AKR1E2: variants seen among roughly 807,000 people sequenced by gnomAD.
The protein encoded by AKR1E2 is aldo-keto reductase family 1 member E2, also known as 1,5-anhydro-D-fructose reductase.
A neutral mutation model predicts 41.9 loss-of-function variants in AKR1E2; 43 were observed. The ratio of observed to expected loss-of-function variants is 1.03; its 90% CI spans 0.80 to 1.32. AKR1E2 has a LOEUF of 1.32. Ranked by LOEUF, AKR1E2 falls within the 40% of genes most tolerant of loss-of-function variation. The probability of loss-of-function intolerance (pLI) is 0.00; values close to 1 mark genes in which losing one functional copy is unlikely to be tolerated. For synonymous variants in AKR1E2, 121 were observed against 138.9 expected (o/e 0.87, Z 0.91); for missense variants, 423 against 396.5 (o/e 1.07, Z -0.57).
At chr10:4,844,098 C>A (rs556296037) in intron 8 of AKR1E2, among the ~76,000 whole-genome samples, 1 of 152,160 alleles carries the variant, frequency 6.6e-6, no homozygotes, top group Non-Finnish European at 1.5e-5. Flanking sequence ...AGCCGCGGAC[C>A]CTTGCGGTGA....
the AKR1E2 span, among the ~76,000 whole-genome samples, chr10:4,868,586 T>C: frequency 2.5e-4 from 38 of 152,260 alleles, no homozygotes; most frequent in Non-Finnish European, 5.0e-4. Context: ...CTAAAACTTT[T>C]AGCACTGTGT....
upstream of AKR1E2, among the ~76,000 whole-genome samples, chr10:4,825,580 C>A (rs1588420126): frequency 4.6e-5 from 7 of 152,350 alleles, 1 homozygote; most frequent in Admixed American, 4.6e-4. Context: ...CAAGCCCCAG[C>A]CGCTCTGGGC....
intron 4 of AKR1E2, among the ~76,000 whole-genome samples, chr10:4,836,444 A>G (rs1833427460): frequency 6.6e-6 from 1 of 152,186 alleles, no homozygotes; most frequent in African/African-American, 2.4e-5. Flanking sequence ...GGGCTCCAGC[A>G]TGGCTGACCG....
intron 6 of AKR1E2, among the ~76,000 whole-genome samples, chr10:4,841,400 C>T (rs184099233): frequency 3.9e-5 from 6 of 152,310 alleles, no homozygotes; most frequent in Non-Finnish European, 7.4e-5. Context: ...AAAGTATCAT[C>T]ATCAACAAAT....
chr10:4,837,712 C>T (rs1833545180), intron 5 of AKR1E2, 131 bp downstream of exon 5: 4 of 1,385,956 alleles, frequency 2.9e-6, no homozygotes, highest in South Asian at 1.5e-5. Context: ...TGGCAGCACT[C>T]AGAATGGTGA....
At chr10:4,846,601 A>G (rs2131575627) in intron 8 of AKR1E2, among the ~76,000 whole-genome samples, 1 of 150,206 alleles carries the variant, frequency 6.7e-6, no homozygotes, top group Admixed American at 6.6e-5. Context: ...GCTGGAGTGC[A>G]GTGGTGCGAT....
rs887559607 is a variant in AKR1E2, at chr10:4,833,567, C to T, written c.324+101C>T. 54 of 969,748 alleles carry T rather than the reference C, an allele frequency of 5.6e-5. No homozygotes were observed. In the African/African-American group the frequency reaches 7.1e-4, roughly 13 times the overall value. 60.1% of individuals were successfully genotyped at this position (969,748 alleles called of 1,614,324 possible). A position where few individuals can be genotyped will look rare whatever the true frequency, so the allele number is the denominator to read the frequency against. ...GGAGAGCATGGACCAGCATTCAGGGCAGGGGTTCCCAGGCTGCATCTGCCA... is the reference window on the plus strand; with the variant it reads ...GGAGAGCATGGACCAGCATTCAGGGTAGGGGTTCCCAGGCTGCATCTGCCA... On this transcript the variant is annotated intron_variant, in intron 3 of 9. Coordinates refer to ENST00000298375, the MANE Select transcript of AKR1E2 (RefSeq NM_001040177.3).
At chr10:4,858,353 CTTCATTCA>C in the AKR1E2 span, among the ~76,000 whole-genome samples, 6 of 152,048 alleles carry the variant, frequency 3.9e-5, no homozygotes, top group African/African-American at 7.2e-5. Context: ...TCATTTATTT[CTTCATTCA>C]TTCATTCATT....
rs374565008 is a variant in AKR1E2 at position 4,830,630 on chromosome 10, A to C, written c.40-45A>C. ...GGGTGAAAGGGGAGATTTGTGTTGG[A>C]TTCCTCTGACTGTGAGAAGACACTT... On this transcript the variant is annotated intron_variant, in intron 1 of 9. Transcript: ENST00000298375. The C allele has an allele frequency of 8.4e-5, 135 of 1,605,838 alleles. No homozygotes were observed. In the African/African-American group the frequency reaches 1.5e-3, roughly 17 times the overall value.
At chr10:4,868,175 A>G in the AKR1E2 span, among the ~76,000 whole-genome samples, 2 of 152,160 alleles carry the variant, frequency 1.3e-5, no homozygotes, top group African/African-American at 4.8e-5. Flanking sequence ...TGGCAATGCC[A>G]GCTTCTGGGT....
intron 2 of AKR1E2, 53 bp from the exon 3 acceptor site, chr10:4,833,297 G>A (rs1368353591): frequency 1.9e-5 from 26 of 1,403,880 alleles, no homozygotes; most frequent in Admixed American, 1.8e-4. Context: ...CAGAATGGGT[G>A]CCATGCTGGC....
chr10:4,864,074 C>A, the AKR1E2 span, among the ~76,000 whole-genome samples: 2 of 152,086 alleles, frequency 1.3e-5, no homozygotes, highest in South Asian at 2.1e-4. Context: ...CTATTCCAAT[C>A]AATAGAAAAA....
In AKR1E2 at chr10:4,847,655, G is replaced by A; in HGVS notation, c.*125G>A. 1.8e-6 allele frequency: 2 copies of A among 1,131,300 alleles called. No homozygotes were observed. The highest frequency in any genetic ancestry group is 2.4e-5 in the East Asian group (1 of 42,310). The allele number at this position is 1,131,300 out of a possible 1,614,324, so 70.1% of individuals were successfully genotyped here. On this transcript the variant is annotated 3_prime_UTR_variant, in exon 10 of 10. Transcript: ENST00000298375. ...TGGGACAGGAGCCACACAGTCAGAG[G>A]GGGATGTAAGAGCCACCTTCTCTGA...
chr10:4,828,969 C>T (rs960341378), intron 1 of AKR1E2, among the ~76,000 whole-genome samples: 6 of 152,088 alleles, frequency 3.9e-5, no homozygotes, highest in Non-Finnish European at 8.8e-5. Flanking sequence ...GGATTTTCTA[C>T]ACAAATGATC....
rs1476182605 is a variant in AKR1E2 at position 4,847,176 on chromosome 10, A to G, written c.866A>G (p.Asp289Gly). 10 of 1,614,096 alleles carry G rather than the reference A, an allele frequency of 6.2e-6. No homozygotes were observed. The African/African-American group carries it at 9.3e-5, about 15-fold the overall frequency. The stretch of plus-strand genomic sequence containing the variant: ...TTTGATTTTGAATTAACACAGCACG[A>G]TATGGATAACATCCTCAGCCTAAAC... ...QVFDFELTQH[D>G]MDNILSLNRN... Residue 289 changes from aspartate to glycine, a missense_variant, in exon 9 of 10, where the codon GAT becomes GGT. Physicochemically the swap from Asp to Gly is moderately conservative, Grantham distance 94. Transcript: ENST00000298375.
In AKR1E2 at chr10:4,847,732, A is replaced by G. The variant is rs186774588; in HGVS notation, c.*202A>G. The G allele has an allele frequency of 1.5e-5, 9 of 609,466 alleles. No individual in the cohort carries two copies. The highest frequency in any genetic ancestry group is 1.4e-4 in the East Asian group (5 of 35,842). 37.8% of individuals were successfully genotyped at this position (609,466 alleles called of 1,614,324 possible). A position where few individuals can be genotyped will look rare whatever the true frequency, so the allele number is the denominator to read the frequency against. ...AAGTGAAGGCAATGGGGTTTCTCCA[A>G]GACAGCCTGTGTGGCCTCTACTCTG... On this transcript the variant is annotated 3_prime_UTR_variant, in exon 10 of 10. Coordinates refer to ENST00000298375, the MANE Select transcript of AKR1E2 (RefSeq NM_001040177.3).
chr10:4,867,380 C>T, the AKR1E2 span, among the ~76,000 whole-genome samples: 4 of 152,190 alleles, frequency 2.6e-5, no homozygotes, highest in Non-Finnish European at 5.9e-5. Flanking sequence ...AGTCAAGGTA[C>T]AAAACATTTC....
At chr10:4,856,664 C>T in the AKR1E2 span, among the ~76,000 whole-genome samples, 2 of 152,066 alleles carry the variant, frequency 1.3e-5, no homozygotes, top group African/African-American at 2.4e-5. Context: ...GTATATGTTC[C>T]AAAATTATGG....
chr10:4,858,728 C>T, the AKR1E2 span, among the ~76,000 whole-genome samples: 6 of 151,770 alleles, frequency 4.0e-5, no homozygotes, highest in Non-Finnish European at 4.4e-5. Flanking sequence ...GTCGGCACAA[C>T]CAGAGACTAG....
Sources: gnomAD v4.1 joint callset for allele counts (sites outside exome capture counted in the v4.1 genomes callset) on GRCh38, gnomAD v4.1.1 for gene constraint, MANE v1.5 for transcripts, NCBI Gene and HGNC (gene_info 2026-07-23, HGNC 2026-07-21) for gene names.